PPP2R5C: variants seen among roughly 807,000 people sequenced by gnomAD.
The protein encoded by PPP2R5C is serine/threonine-protein phosphatase 2A 56 kDa regulatory subunit gamma isoform.
A neutral mutation model predicts 68.9 loss-of-function variants in PPP2R5C; 7 were observed. That is an observed-to-expected ratio of 0.10 (90% CI 0.06 to 0.19). The LOEUF (loss-of-function observed/expected upper bound fraction) is 0.19. PPP2R5C is among the 10% of genes least tolerant of loss of function. PPP2R5C has a pLI of 1.00. For missense variants in PPP2R5C, 348 were observed against 641.3 expected (o/e 0.54, Z 4.94); for synonymous variants, 210 against 222.2 (o/e 0.95, Z 0.49).
chr14:101,798,616 T>G lies in PPP2R5C; in HGVS notation c.259+12433T>G, dbSNP rs181326695. ...TCCAAAAAAATATGAAATAATTGTT[T>G]CTTCATTATTGTCTAGTACATAGAT... On this transcript the variant is annotated intron_variant, in intron 3 of 14. Transcript: ENST00000328724. Among the ~76,000 whole-genome samples the G allele has an allele frequency of 2.2e-3, 331 of 152,380 alleles. 5 individuals carry two copies. Among genetic ancestry groups the G allele is most frequent in the Admixed American group, 0.021 (328 of 15,306 alleles).
At chr14:101,909,473 C>T (rs2046266083) in intron 10 of PPP2R5C, 116 bp from the exon 13 acceptor site, 14 of 607,584 alleles carry the variant, frequency 2.3e-5, no homozygotes. Context: ...GCATTTTAGA[C>T]CTTAGGGATC....
intron 2 of PPP2R5C, among the ~76,000 whole-genome samples, chr14:101,784,520 G>A (rs1220710746): frequency 2.8e-5 from 4 of 143,950 alleles, no homozygotes; most frequent in Non-Finnish European, 4.6e-5. Context: ...TGGGGGGGGG[G>A]AACTGCCAAA....
Position 101,883,413 on chromosome 14 carries a change from T to C in PPP2R5C, c.499-19T>C. ...GGAATGATGACACCCAGCCACTAAG[T>C]GTCTTTTTCTTCTCAAAGCTTTTAG... is the stretch of plus-strand genomic sequence containing the variant. On this transcript the variant is annotated intron_variant, in intron 4 of 13. Transcript: ENST00000334743. 3 of 1,612,378 alleles carry C rather than the reference T, an allele frequency of 1.9e-6. No individual in the cohort carries two copies. Among genetic ancestry groups the C allele is most frequent in the Non-Finnish European group, 2.5e-6 (3 of 1,179,656 alleles).
At chr14:101,819,165 C>A in intron 1 of PPP2R5C, 2 of 1,372,996 alleles carry the variant, frequency 1.5e-6, no homozygotes, top group South Asian at 2.6e-5. Flanking sequence ...AATGGGTTGT[C>A]GGTTTTGGTT....
intron 2 of PPP2R5C, among the ~76,000 whole-genome samples, chr14:101,863,375 A>G (rs2042869093): frequency 6.6e-6 from 1 of 151,734 alleles, no homozygotes; most frequent in Admixed American, 6.6e-5. Context: ...CTCTAGTAAT[A>G]ATCCTGCCCC....
intron 13 of PPP2R5C, among the ~76,000 whole-genome samples, chr14:101,919,969 C>CAAAAAAAAAAAAAAAAAAAAA (rs34641396): frequency 1.9e-5 from 1 of 52,882 alleles, no homozygotes; most frequent in African/African-American, 9.0e-5. Context: ...AACTCCGTCT[C>CAAAAAAAAAAAAAAAAAAAAA]AAAAAAAAAA....
At position 101,780,549 on chromosome 14, in the gene PPP2R5C, G is replaced by A. The variant is rs373719276; in HGVS notation, c.94-5469G>A. 2.1e-4 allele frequency among the ~76,000 whole-genome samples: 32 copies of A among 152,178 alleles called. No individual in the cohort carries two copies. The South Asian group carries it at 5.8e-3, about 28-fold the overall frequency. ...CACCTGGGCTGAAGTGTGGTGGCTC[G>A]ACTGCCCGGTGCTGCGGGAGGACAC... On this transcript the variant is annotated intron_variant, in intron 2 of 14. Transcript: ENST00000328724.
chr14:101,808,235 G>C (rs1405544851), upstream of PPP2R5C, among the ~76,000 whole-genome samples: 2 of 151,780 alleles, frequency 1.3e-5, no homozygotes, highest in African/African-American at 4.8e-5. Context: ...CAGGAGGGCA[G>C]CTAAGATCTA....
chr14:101,914,125 TC>T, intron 12 of PPP2R5C: 1 of 452,370 alleles, frequency 2.2e-6, no homozygotes, highest in Non-Finnish European at 4.4e-6. Flanking sequence ...CAAGTAACTT[TC>T]TGTATTCTTT....
Position 101,781,722 on chromosome 14 carries a change from A to G in PPP2R5C, c.94-4296A>G, listed in dbSNP as rs7154319. ...GGAGCCCGGAGGAGGGGAGCCGGCC[A>G]CCCGGGGAAGAAGCGGAGGACGCCG... is the stretch of plus-strand genomic sequence containing the variant. On this transcript the variant is annotated intron_variant, in intron 2 of 14. Transcript: ENST00000328724. The surrounding 1 kb of genome is among the most constrained non-coding windows in gnomAD (Gnocchi z 6.4). Among the ~76,000 whole-genome samples, 38,298 of 151,772 alleles carry G rather than the reference A, an allele frequency of 0.25. 5,420 individuals are homozygous for G. Among genetic ancestry groups the G allele is most frequent in the African/African-American group, 0.38 (15,750 of 41,400 alleles).
chr14:101,892,488 G>A (rs1161703836), intron 6 of PPP2R5C, among the ~76,000 whole-genome samples: 1 of 152,120 alleles, frequency 6.6e-6, no homozygotes, highest in Non-Finnish European at 1.5e-5. Context: ...CCAGCTCCCT[G>A]CTGTTCTGGG....
chr14:101,843,435 TA>T, intron 1 of PPP2R5C: 1 of 221,038 alleles, frequency 4.5e-6, no homozygotes, highest in African/African-American at 2.3e-5. Context: ...AATAGCCCCC[TA>T]GTCAGTCATC....
chr14:101,917,735 G>C lies in PPP2R5C; in HGVS notation c.1327-96G>C, dbSNP rs1191699941. The C allele has an allele frequency of 1.4e-5, 22 of 1,546,458 alleles. No homozygotes were observed. The highest frequency in any genetic ancestry group is 5.4e-5 in the Admixed American group (3 of 55,380). On this transcript the variant is annotated intron_variant, in intron 12 of 13. Coordinates refer to ENST00000334743, the Ensembl canonical transcript of PPP2R5C. This position sits in a 1 kb window ranked among gnomAD's most constrained non-coding sequence, Gnocchi z 4.4. The stretch of plus-strand genomic sequence containing the variant: ...GGGCTTCCTGCGGGAGAGGGCCCTG[G>C]GGGGCGGCAGGGGAGATGAGTCCCT...
chr14:101,849,070 TC>T (rs2042004497), intron 1 of PPP2R5C, among the ~76,000 whole-genome samples: 1 of 152,232 alleles, frequency 6.6e-6, no homozygotes, highest in African/African-American at 2.4e-5. Context: ...GTAAGGCATA[TC>T]CATATTGTGT....
intron 5 of PPP2R5C, among the ~76,000 whole-genome samples, chr14:101,887,176 A>G (rs966903600): frequency 6.6e-6 from 1 of 152,238 alleles, no homozygotes; most frequent in Non-Finnish European, 1.5e-5. Context: ...CTTAAGTGTG[A>G]GTTAAACAGT....
At chr14:101,897,663 G>A (rs1424290742) in intron 8 of PPP2R5C, among the ~76,000 whole-genome samples, 1 of 151,982 alleles carries the variant, frequency 6.6e-6, no homozygotes, top group Non-Finnish European at 1.5e-5. Flanking sequence ...CATTAAGGGT[G>A]GGTCTGCCTT....
chr14:101,780,189 G>GC (rs2037607939), intron 2 of PPP2R5C, among the ~76,000 whole-genome samples: 1 of 152,130 alleles, frequency 6.6e-6, no homozygotes, highest in Non-Finnish European at 1.5e-5. Context: ...AATATTAACT[G>GC]CAATTCCTTA....
intron 2 of PPP2R5C, among the ~76,000 whole-genome samples, chr14:101,872,385 A>G (rs1410841323): frequency 2.0e-5 from 3 of 151,736 alleles, no homozygotes; most frequent in Non-Finnish European, 4.4e-5. Flanking sequence ...TGACAGGCAC[A>G]TGCCACCATG....
At chr14:101,821,442 T>A (rs1378108321) in intron 1 of PPP2R5C, among the ~76,000 whole-genome samples, 2 of 90,066 alleles carry the variant, frequency 2.2e-5, no homozygotes, top group Non-Finnish European at 2.4e-5. Context: ...CTGTGGGGGG[T>A]GGGTGGGTGG....
Sources: allele counts gnomAD v4.1 joint callset (sites outside exome capture counted in the v4.1 genomes callset), GRCh38; gene constraint gnomAD v4.1.1; non-coding constraint Gnocchi (gnomAD v3.1); transcripts MANE v1.5; gene names NCBI Gene and HGNC (gene_info 2026-07-23, HGNC 2026-07-21).